Variants in TSHZ3 observed in about 807,000 individuals in gnomAD.
The protein encoded by TSHZ3 is teashirt homolog 3.
In TSHZ3, 10 loss-of-function variants were observed where a neutral mutation model predicts 64.5. The ratio of observed to expected loss-of-function variants is 0.16; its 90% CI spans 0.10 to 0.26. The LOEUF is 0.26. TSHZ3 is among the 10% of genes least tolerant of loss of function. The probability of loss-of-function intolerance (pLI) is 1.00; values close to 1 mark genes in which losing one functional copy is unlikely to be tolerated. For synonymous variants in TSHZ3, 608 were observed against 593.1 expected (o/e 1.03, Z -0.36); for missense variants, 1,242 against 1,421.7 (o/e 0.87, Z 2.03).
chr19:31,287,021 G>A (rs73927334), intron 1 of TSHZ3, among the ~76,000 whole-genome samples: 7,126 of 152,250 alleles, frequency 0.047, 309 homozygotes, highest in African/African-American at 0.11. Context: ...GGGCATAACG[G>A]AATTCATTTC....
At chr19:31,259,846 C>A (rs990313202) in intron 1 of TSHZ3, among the ~76,000 whole-genome samples, 4 of 152,036 alleles carry the variant, frequency 2.6e-5, no homozygotes, top group South Asian at 2.1e-4. Flanking sequence ...CATCTCCAGC[C>A]CAGGCCAAGG....
chr19:31,197,584 A>G (rs1000336498), intron 5 of TSHZ3, among the ~76,000 whole-genome samples: 6 of 151,894 alleles, frequency 4.0e-5, no homozygotes, highest in Non-Finnish European at 7.4e-5. Flanking sequence ...CCAAGGAAAG[A>G]CAAGACACAA....
At chr19:31,285,477 C>A (rs1170535461) in intron 1 of TSHZ3, among the ~76,000 whole-genome samples, 180 of 132,514 alleles carry the variant, frequency 1.4e-3, no homozygotes, top group African/African-American at 1.5e-3. Flanking sequence ...GATTCTGTCT[C>A]AAAAAAAAAA....
intron 1 of TSHZ3, among the ~76,000 whole-genome samples, chr19:31,267,316 C>T (rs1976067441): frequency 6.6e-6 from 1 of 152,012 alleles, no homozygotes; most frequent in Non-Finnish European, 1.5e-5. Context: ...CCTGGGCCCT[C>T]ACATGTCTTG....
At chr19:31,321,038 C>A (rs1357076201) in intron 1 of TSHZ3, among the ~76,000 whole-genome samples, 1 of 152,218 alleles carries the variant, frequency 6.6e-6, no homozygotes, top group Non-Finnish European at 1.5e-5. Flanking sequence ...CATAGCTTGG[C>A]AACTGTCAAT....
chr19:31,235,699 C>CT (rs34677399), intron 3 of TSHZ3, among the ~76,000 whole-genome samples: 2,369 of 59,474 alleles, frequency 0.04, 176 homozygotes, highest in African/African-American at 0.1. Context: ...TCCTCTTCTT[C>CT]TTTTTTTTTT....
At chr19:31,286,425 T>A (rs924152) in intron 1 of TSHZ3, among the ~76,000 whole-genome samples, 1 of 152,176 alleles carries the variant, frequency 6.6e-6, no homozygotes, top group African/African-American at 2.4e-5. Flanking sequence ...AATATGAGCA[T>A]GTTTATGAGC....
chr19:31,348,908 A>T (rs2021604949), intron 1 of TSHZ3: 1 of 408,252 alleles, frequency 2.4e-6, no homozygotes, highest in South Asian at 5.8e-5. Flanking sequence ...GCAGCCGGAG[A>T]GCTGAGGAGG....
intron 5 of TSHZ3, among the ~76,000 whole-genome samples, chr19:31,202,606 A>G (rs1426840354): frequency 6.6e-6 from 1 of 152,170 alleles, no homozygotes; most frequent in Non-Finnish European, 1.5e-5. Context: ...TATTTGATAC[A>G]ACACTGACCT....
At chr19:31,308,686 C>A in intron 1 of TSHZ3, 1 of 398,648 alleles carries the variant, frequency 2.5e-6, no homozygotes, top group Non-Finnish European at 4.4e-6. Flanking sequence ...GTGCTGAGAA[C>A]CTCCACCCAA....
intron 1 of TSHZ3, among the ~76,000 whole-genome samples, chr19:31,309,450 C>T (rs547019136): frequency 1.3e-5 from 2 of 152,194 alleles, no homozygotes; most frequent in African/African-American, 4.8e-5. Flanking sequence ...AAGTCAATCC[C>T]CGCATGGAAT....
At position 31,154,695 on chromosome 19, in the gene TSHZ3, C is replaced by T. The variant is rs556454765; in HGVS notation, n.871+1661G>A. On this transcript the variant is annotated intron_variant and non_coding_transcript_variant, in intron 6 of 6. Transcript: ENST00000651361. ...AGGAGAGACCAGACTCCTATCACCG[C>T]AAATGGCTTGAACTTCCCGAGGTTC... Among the ~76,000 whole-genome samples the T allele has an allele frequency of 3.5e-4, 54 of 152,336 alleles. 1 individual carries two copies. The highest frequency in any genetic ancestry group is 6.8e-3 in the Middle Eastern group (2 of 292).
chr19:31,290,979 G>A (rs1052527794), intron 1 of TSHZ3, among the ~76,000 whole-genome samples: 6 of 152,256 alleles, frequency 3.9e-5, no homozygotes, highest in African/African-American at 1.4e-4. Context: ...GGGTATCCCT[G>A]TGTTAATAAA....
intron 1 of TSHZ3, chr19:31,348,744 C>T (rs1326492699): frequency 5.5e-6 from 1 of 182,200 alleles, no homozygotes; most frequent in East Asian, 1.5e-4. Context: ...GGGACCGGCT[C>T]GCTCACTCGT....
chr19:31,272,810 T>C (rs932858685), downstream of TSHZ3, among the ~76,000 whole-genome samples: 2 of 152,154 alleles, frequency 1.3e-5, no homozygotes, highest in African/African-American at 4.8e-5. Flanking sequence ...AGATATACAG[T>C]AGGACTGCAG....
At chr19:31,186,247 G>A (rs1473958832) in intron 5 of TSHZ3, among the ~76,000 whole-genome samples, 1 of 152,104 alleles carries the variant, frequency 6.6e-6, no homozygotes, top group Non-Finnish European at 1.5e-5. Flanking sequence ...AAACTACTGA[G>A]ATGGTTTGGC....
chr19:31,254,370 A>G (rs544708910), intron 1 of TSHZ3, among the ~76,000 whole-genome samples: 35 of 152,278 alleles, frequency 2.3e-4, no homozygotes, highest in Non-Finnish European at 1.9e-4. Context: ...GAGTCACCAC[A>G]AAGCTATGCT....
intron 4 of TSHZ3, among the ~76,000 whole-genome samples, chr19:31,219,063 A>T (rs1453620813): frequency 6.6e-6 from 1 of 152,196 alleles, no homozygotes; most frequent in Non-Finnish European, 1.5e-5. Context: ...TCACAGAGTG[A>T]GATGTGCATA....
At chr19:31,179,700 G>A (rs1238762838) in intron 5 of TSHZ3, among the ~76,000 whole-genome samples, 1 of 151,428 alleles carries the variant, frequency 6.6e-6, no homozygotes. Context: ...TGTGGTGGTG[G>A]TGATGGTGGT....
Sources: allele counts gnomAD v4.1 joint callset (sites outside exome capture counted in the v4.1 genomes callset), GRCh38; gene constraint gnomAD v4.1.1; transcripts MANE v1.5; gene names NCBI Gene and HGNC (gene_info 2026-07-23, HGNC 2026-07-21).